The following TM9SF3 variants were observed in gnomAD, a reference collection of about 807,000 sequenced individuals.
TM9SF3 encodes SM-11044-binding protein.
In TM9SF3, 14 loss-of-function variants were observed where a neutral mutation model predicts 78.6. The observed-to-expected ratio is 0.18, with a 90% CI of 0.12 to 0.28. The LOEUF (loss-of-function observed/expected upper bound fraction) is 0.28. Ranked by LOEUF, TM9SF3 falls within the 10% of genes least tolerant of loss-of-function variation. The pLI is 1.00. For missense variants in TM9SF3, 496 were observed against 721.9 expected, an observed-to-expected ratio of 0.69 and a Z score of 3.59; for synonymous variants, 231 against 241.7, an observed-to-expected ratio of 0.96 and a Z score of 0.41.
intron 1 of TM9SF3, among the ~76,000 whole-genome samples, chr10:96,580,557 C>T (rs540238229): frequency 2.0e-5 from 3 of 152,246 alleles, no homozygotes; most frequent in Non-Finnish European, 2.9e-5. Context: ...TGAGCCACTG[C>T]GCCTGGCCCC....
chr10:96,584,489 G>C (rs1848607835), intron 1 of TM9SF3, among the ~76,000 whole-genome samples: 1 of 152,116 alleles, frequency 6.6e-6, no homozygotes. Flanking sequence ...TCCCATAACT[G>C]TTTTTGTTTT....
chr10:96,567,450 A>G (rs1277826117), intron 2 of TM9SF3, among the ~76,000 whole-genome samples: 1 of 152,080 alleles, frequency 6.6e-6, no homozygotes, highest in African/African-American at 2.4e-5. Context: ...TTGTTTCCCA[A>G]CTGATATATC....
At chr10:96,526,829 T>C (rs1365607870) in intron 14 of TM9SF3, among the ~76,000 whole-genome samples, 1 of 152,124 alleles carries the variant, frequency 6.6e-6, no homozygotes, top group Non-Finnish European at 1.5e-5. Flanking sequence ...GCCTACATCA[T>C]GATCTTCCAT....
At chr10:96,547,283 G>C (rs912614937) in intron 8 of TM9SF3, among the ~76,000 whole-genome samples, 3 of 152,058 alleles carry the variant, frequency 2.0e-5, no homozygotes, top group Non-Finnish European at 4.4e-5. Flanking sequence ...CATCTATAAA[G>C]CTTTTTTTCT....
At chr10:96,570,595 A>G (rs1848427752) in intron 2 of TM9SF3, among the ~76,000 whole-genome samples, 1 of 152,240 alleles carries the variant, frequency 6.6e-6, no homozygotes, top group African/African-American at 2.4e-5. Flanking sequence ...AGGACAACAT[A>G]TTGTACCAAG....
chr10:96,585,259 T>C (rs1401446704), intron 1 of TM9SF3, among the ~76,000 whole-genome samples: 1 of 152,190 alleles, frequency 6.6e-6, no homozygotes, highest in East Asian at 1.9e-4. Flanking sequence ...ATTGGAAATA[T>C]ATTAGTAATA....
At chr10:96,583,611 C>T (rs1848598571) in intron 1 of TM9SF3, among the ~76,000 whole-genome samples, 1 of 152,198 alleles carries the variant, frequency 6.6e-6, no homozygotes, top group Non-Finnish European at 1.5e-5. Flanking sequence ...CACCTCTACC[C>T]CTACCAGATG....
intron 10 of TM9SF3, among the ~76,000 whole-genome samples, chr10:96,532,212 A>AAAT (rs1240440234): frequency 1.3e-5 from 2 of 151,620 alleles, no homozygotes; most frequent in Non-Finnish European, 2.9e-5. Flanking sequence ...CTCATCTCAA[A>AAAT]AATAATAATA....
At chr10:96,584,090 A>G (rs780159707) in intron 1 of TM9SF3, among the ~76,000 whole-genome samples, 4 of 152,202 alleles carry the variant, frequency 2.6e-5, no homozygotes, top group Non-Finnish European at 5.9e-5. Flanking sequence ...TTTTACTACA[A>G]AAGACATACT....
intron 1 of TM9SF3, among the ~76,000 whole-genome samples, chr10:96,584,873 T>C (rs527729542): frequency 6.6e-6 from 1 of 152,332 alleles, no homozygotes; most frequent in East Asian, 1.9e-4. Flanking sequence ...CAGTTCAATA[T>C]AGACATGAAG....
At chr10:96,548,494 A>G (rs1848127187) in intron 7 of TM9SF3, among the ~76,000 whole-genome samples, 1 of 152,168 alleles carries the variant, frequency 6.6e-6, no homozygotes. Context: ...TGTTTCCCTC[A>G]TGCTGCTGAA....
chr10:96,561,577 T>A (rs918609187), intron 4 of TM9SF3, among the ~76,000 whole-genome samples: 2 of 152,186 alleles, frequency 1.3e-5, no homozygotes, highest in Non-Finnish European at 2.9e-5. Flanking sequence ...GAGCAATCCA[T>A]GATAAACTAC....
At chr10:96,525,493 A>G (rs1023045820) in intron 14 of TM9SF3, among the ~76,000 whole-genome samples, 7 of 152,040 alleles carry the variant, frequency 4.6e-5, no homozygotes, top group Admixed American at 4.6e-4. Context: ...TGAACTGAAC[A>G]GGCTCTTTTG....
Position 96,586,758 on chromosome 10 carries a change from G to A in TM9SF3, c.78C>T (p.Thr26=). Reference sequence around the variant, plus strand: ...CCGTGTGTTCGTGCTCGTCCGCCCGGGTCCGGGGCAGCAGCAGCAGCAGCA... The same window carrying A: ...CCGTGTGTTCGTGCTCGTCCGCCCGAGTCCGGGGCAGCAGCAGCAGCAGCA... ...LWLLLLLLPR[T]RADEHEHTYQ... is the part of the protein sequence containing the mutation. The change falls in exon 1 of 15, where the codon ACC becomes ACT. Residue 26 remains threonine, a synonymous_variant. Transcript: ENST00000371142. 1 of 1,282,600 alleles carries A rather than the reference G, an allele frequency of 7.8e-7. No homozygotes were observed. Among genetic ancestry groups the A allele is most frequent in the Non-Finnish European group, 9.8e-7 (1 of 1,015,278 alleles). The allele number at this position is 1,282,600 out of a possible 1,614,324, so 79.5% of individuals were successfully genotyped here. A position where few individuals can be genotyped will look rare whatever the true frequency, so the allele number is the denominator to read the frequency against.
At chr10:96,559,414 G>A (rs916389617) in intron 5 of TM9SF3, among the ~76,000 whole-genome samples, 4 of 25,918 alleles carry the variant, frequency 1.5e-4, no homozygotes, top group African/African-American at 4.2e-4. Context: ...TTGGCTTCCC[G>A]TATGTTATAT....
chr10:96,556,997 C>T (rs958614474), intron 5 of TM9SF3, among the ~76,000 whole-genome samples: 1 of 152,130 alleles, frequency 6.6e-6, no homozygotes, highest in Non-Finnish European at 1.5e-5. Flanking sequence ...TCCCCTCCCC[C>T]GCAAAGCCCT....
intron 9 of TM9SF3, among the ~76,000 whole-genome samples, 179 bp from the exon 10 acceptor site, chr10:96,533,369 G>T (rs116111327): frequency 0.011 from 1,661 of 152,232 alleles, 30 homozygotes; most frequent in African/African-American, 0.038. Context: ...TAAAGTATTA[G>T]AACTAAACTG....
intron 1 of TM9SF3, among the ~76,000 whole-genome samples, chr10:96,581,199 T>C (rs887360536): frequency 6.6e-6 from 1 of 152,216 alleles, no homozygotes; most frequent in Non-Finnish European, 1.5e-5. Flanking sequence ...AAATACTGTT[T>C]ATGTGTTGGG....
intron 1 of TM9SF3, chr10:96,577,444 G>C (rs931020910): frequency 6.6e-6 from 1 of 152,126 alleles, no homozygotes; most frequent in South Asian, 2.1e-4. Context: ...CTTTGAATAA[G>C]TAATTATGGA....
Sources: gnomAD v4.1 joint callset for allele counts (sites outside exome capture counted in the v4.1 genomes callset) on GRCh38, gnomAD v4.1.1 for gene constraint, MANE v1.5 for transcripts, NCBI Gene and HGNC (gene_info 2026-07-23, HGNC 2026-07-21) for gene names.